The following LMO1 variants were observed in gnomAD, a reference collection of about 807,000 sequenced individuals.
LMO1 encodes LIM domain only 1, also known as rhombotin-1.
Under a neutral mutation model 18.0 loss-of-function variants are expected in LMO1, and 10 were observed. That is an observed-to-expected ratio of 0.55 (90% CI 0.34 to 0.94). The LOEUF is 0.94. Ranked by LOEUF, LMO1 falls within the 40% of genes least tolerant of loss-of-function variation. The probability of loss-of-function intolerance (pLI) is 0.02; values close to 1 mark genes in which losing one functional copy is unlikely to be tolerated. For missense variants in LMO1, 183 were observed against 205.7 expected (o/e 0.89, Z 0.68); for synonymous variants, 77 against 77.9 (o/e 0.99, Z 0.06).
chr11:8,227,433 G>A (rs1952568828), intron 2 of LMO1, among the ~76,000 whole-genome samples: 1 of 152,224 alleles, frequency 6.6e-6, no homozygotes, highest in African/African-American at 2.4e-5. Flanking sequence ...CCCTGAGCAA[G>A]CCTGAATTTC....
Position 8,230,451 on chromosome 11 carries a change from A to G in LMO1, c.79T>C (p.Cys27Arg), listed in dbSNP as rs1293615112. Residue 27 changes from cysteine (C) to arginine (R), a missense_variant, in exon 2 of 4, where the codon TGT becomes CGT. Coordinates refer to ENST00000335790, the MANE Select transcript of LMO1 (RefSeq NM_002315.3). ...PKGKQKGCAG[C>R]NRKIKDRYLL... ...TAGCGGTCCTTGATCTTGCGGTTAC[A>G]GCCCGCACAGCCCTTCTGCTTCCCT... The G allele has an allele frequency of 5.6e-6, 9 of 1,613,794 alleles. No homozygotes were observed. The highest frequency in any genetic ancestry group is 6.8e-6 in the Non-Finnish European group (8 of 1,179,918).
At chr11:8,263,209 C>G in intron 1 of LMO1, 129 bp downstream of exon 1, 2 of 823,174 alleles carry the variant, frequency 2.4e-6, no homozygotes, top group Non-Finnish European at 3.3e-6. Context: ...CGGCCCCCAG[C>G]GCGCCGCCCG....
intron 1 of LMO1, among the ~76,000 whole-genome samples, chr11:8,243,131 G>A (rs1010360245): frequency 5.9e-5 from 9 of 152,134 alleles, no homozygotes; most frequent in Non-Finnish European, 1.0e-4. Context: ...TTTGGCTGGG[G>A]CTGAGACAGC....
At chr11:8,259,670 G>A (rs928433178) in intron 1 of LMO1, among the ~76,000 whole-genome samples, 4 of 152,092 alleles carry the variant, frequency 2.6e-5, no homozygotes, top group Non-Finnish European at 5.9e-5. Flanking sequence ...GGGTTGGGAC[G>A]GTCATGAGCA....
chr11:8,248,123 A>T (rs1310937391), intron 1 of LMO1, among the ~76,000 whole-genome samples: 1 of 152,274 alleles, frequency 6.6e-6, no homozygotes, highest in Non-Finnish European at 1.5e-5. Context: ...GTGATCTCAC[A>T]GTCAGAGGAC....
chr11:8,258,222 C>T (rs1266273817), intron 1 of LMO1, among the ~76,000 whole-genome samples: 2 of 152,184 alleles, frequency 1.3e-5, no homozygotes, highest in African/African-American at 4.8e-5. Context: ...TCTCAATGTC[C>T]CTGATCAGGG....
chr11:8,227,169 T>A (rs1952562727), intron 2 of LMO1, 69 bp from the exon 3 acceptor site: 1 of 1,566,044 alleles, frequency 6.4e-7, no homozygotes, highest in Admixed American at 1.7e-5. Context: ...GGAAAGGAGT[T>A]GCCTCCATCC....
chr11:8,256,331 G>A (rs1317588339), intron 1 of LMO1, among the ~76,000 whole-genome samples: 1 of 152,256 alleles, frequency 6.6e-6, no homozygotes, highest in Non-Finnish European at 1.5e-5. Context: ...GTAGGGATGA[G>A]AAAACTGAGG....
At chr11:8,233,891 T>C (rs887366257) in intron 1 of LMO1, among the ~76,000 whole-genome samples, 1 of 152,232 alleles carries the variant, frequency 6.6e-6, no homozygotes, top group Non-Finnish European at 1.5e-5. Flanking sequence ...GTAATCCTTT[T>C]AATGTACTCC....
At chr11:8,246,445 C>A (rs1846895182) in intron 1 of LMO1, among the ~76,000 whole-genome samples, 2 of 152,182 alleles carry the variant, frequency 1.3e-5, no homozygotes, top group Admixed American at 6.5e-5. Flanking sequence ...ATACAATAAC[C>A]ACATATTGCA....
chr11:8,267,311 G>A (rs1486180553), upstream of LMO1, among the ~76,000 whole-genome samples: 2 of 152,226 alleles, frequency 1.3e-5, no homozygotes, highest in Non-Finnish European at 2.9e-5. Flanking sequence ...AATTGAGATC[G>A]TCCTGAGCAA....
intron 1 of LMO1, among the ~76,000 whole-genome samples, chr11:8,241,917 A>C (rs186881122): frequency 1.3e-5 from 2 of 152,282 alleles, no homozygotes; most frequent in African/African-American, 4.8e-5. Context: ...GCCCCACAGC[A>C]GTCATTGTTT....
At chr11:8,259,570 G>A (rs1847152792) in intron 1 of LMO1, among the ~76,000 whole-genome samples, 1 of 152,236 alleles carries the variant, frequency 6.6e-6, no homozygotes, top group South Asian at 2.1e-4. Flanking sequence ...CCAGGCCTCA[G>A]CAGGCAGCAG....
chr11:8,226,796 C>A, intron 3 of LMO1, 179 bp downstream of exon 3: 1 of 1,212,930 alleles, frequency 8.2e-7, no homozygotes. Context: ...ATTTGGCTAC[C>A]GAGCTTACAC....
chr11:8,267,484 C>A (rs1446801137), upstream of LMO1, among the ~76,000 whole-genome samples: 1 of 152,172 alleles, frequency 6.6e-6, no homozygotes, highest in Non-Finnish European at 1.5e-5. Context: ...GTCCTTCAGG[C>A]ACTAAGGGAT....
Position 8,263,421 on chromosome 11 carries a change from G to A in LMO1, c.-59C>T. 6.3e-7 allele frequency: 1 copy of A among 1,589,324 alleles called. No homozygotes were observed. Among genetic ancestry groups the A allele is most frequent in the Non-Finnish European group, 8.5e-7 (1 of 1,173,234 alleles). ...CGGCCGGGAGAAGGGCGCCGACTCG[G>A]GGCGCGCTTTGGAGGGGCGGCCGGT... On this transcript the variant is annotated 5_prime_UTR_variant, in exon 1 of 4. Coordinates refer to ENST00000335790, the MANE Select transcript of LMO1 (RefSeq NM_002315.3).
intron 2 of LMO1, among the ~76,000 whole-genome samples, chr11:8,227,992 C>CT (rs1952579124): frequency 6.6e-6 from 1 of 152,220 alleles, no homozygotes; most frequent in Admixed American, 6.5e-5. Flanking sequence ...TTTATTAAAT[C>CT]TTTTTTCCAT....
intron 1 of LMO1, among the ~76,000 whole-genome samples, chr11:8,241,332 T>C (rs777989041): frequency 2.6e-5 from 4 of 152,246 alleles, no homozygotes; most frequent in Non-Finnish European, 5.9e-5. Context: ...ACTGCCAGCA[T>C]GGCATGATGT....
intron 2 of LMO1, among the ~76,000 whole-genome samples, chr11:8,229,060 T>C (rs1436715172): frequency 6.6e-6 from 1 of 152,064 alleles, no homozygotes; most frequent in South Asian, 2.1e-4. Context: ...GGCTAATTTT[T>C]TTTTTTTTTA....
Sources: allele counts gnomAD v4.1 joint callset (sites outside exome capture counted in the v4.1 genomes callset), GRCh38; gene constraint gnomAD v4.1.1; transcripts MANE v1.5; gene names NCBI Gene and HGNC (gene_info 2026-07-23, HGNC 2026-07-21).